The following ESRRB variants were observed in gnomAD, a reference collection of about 807,000 sequenced individuals.
ESRRB encodes estrogen related receptor beta, also known as steroid hormone receptor ERR2.
ESRRB carries 16 observed loss-of-function variants against 46.0 expected under a neutral mutation model. The observed-to-expected ratio is 0.35, with a 90% CI of 0.24 to 0.53. The LOEUF (loss-of-function observed/expected upper bound fraction) is 0.53. Ranked by LOEUF, ESRRB falls within the 20% of genes least tolerant of loss-of-function variation. The pLI, the probability that ESRRB is intolerant of heterozygous loss-of-function variation, is 0.93. For synonymous variants in ESRRB, 246 were observed against 259.6 expected, an observed-to-expected ratio of 0.95 and a Z score of 0.50; for missense variants, 488 against 607.4, an observed-to-expected ratio of 0.80 and a Z score of 2.07.
chr14:76,336,736 C>T (rs1258520274), intron 1 of ESRRB, among the ~76,000 whole-genome samples: 1 of 152,216 alleles, frequency 6.6e-6, no homozygotes. Flanking sequence ...GGGCGATACC[C>T]ACTCTTCACT....
intron 3 of ESRRB, among the ~76,000 whole-genome samples, chr14:76,473,815 G>A (rs1006743207): frequency 1.1e-4 from 17 of 152,226 alleles, no homozygotes; most frequent in African/African-American, 3.1e-4. Context: ...GGCTGTGGAC[G>A]CTGTGACGTG....
At position 76,358,323 on chromosome 14, in the gene ESRRB, A is replaced by AAAAGAAAGAAAGAAAG. The variant is rs869092343; in HGVS notation, c.2+47483_2+47498dup. On this transcript the variant is annotated intron_variant, in intron 1 of 6. Coordinates refer to the ESRRB transcript ENST00000512784. ...CAAGACTCTGTCTCAAAAAAAAAAAAAAAGAAAGAAAGAAAGAAAGAAAGA... is the reference window on the plus strand; with the variant it reads ...CAAGACTCTGTCTCAAAAAAAAAAAAAAAGAAAGAAAGAAAGAAAGAAAGAAAGAAAGAAAGAAAGA... Among the ~76,000 whole-genome samples the AAAAGAAAGAAAGAAAG allele has an allele frequency of 8.3e-4, 44 of 53,092 alleles. 1 individual carries two copies. Among genetic ancestry groups the AAAAGAAAGAAAGAAAG allele is most frequent in the South Asian group, 2.5e-3 (3 of 1,210 alleles). 34.8% of individuals were successfully genotyped at this position (53,092 alleles called of 152,430 possible).
chr14:76,363,658 C>G (rs1884489774), intron 1 of ESRRB, among the ~76,000 whole-genome samples: 1 of 152,156 alleles, frequency 6.6e-6, no homozygotes, highest in South Asian at 2.1e-4. Flanking sequence ...GAGGGCTGGC[C>G]CACACTGGCC....
intron 1 of ESRRB, among the ~76,000 whole-genome samples, chr14:76,403,291 G>A (rs1409882771): frequency 6.6e-6 from 1 of 152,200 alleles, no homozygotes; most frequent in Non-Finnish European, 1.5e-5. Flanking sequence ...ACCTAGTCCT[G>A]TCTGACTCTA....
In ESRRB at chr14:76,499,789, T is replaced by C; in HGVS notation, c.*1331T>C. The C allele has an allele frequency of 7.8e-7, 1 of 1,287,368 alleles. No individual in the cohort carries two copies. The highest frequency in any genetic ancestry group is 1.1e-6 in the Non-Finnish European group (1 of 882,194). 79.7% of individuals were successfully genotyped at this position (1,287,368 alleles called of 1,614,324 possible). ...CAGGCACACGGGGACAGTGGGTCAC[T>C]CTATTTCTGTGGATGGCCGTGAAAG... On this transcript the variant is annotated 3_prime_UTR_variant, in exon 7 of 7. Coordinates refer to ENST00000644823, the MANE Select transcript of ESRRB (RefSeq NM_001379180.1).
At chr14:76,466,802 C>A (rs2140000516) in intron 3 of ESRRB, among the ~76,000 whole-genome samples, 1 of 152,128 alleles carries the variant, frequency 6.6e-6, no homozygotes, top group East Asian at 1.9e-4. Flanking sequence ...AGGCTCACCA[C>A]ACCCTCCACC....
intron 1 of ESRRB, among the ~76,000 whole-genome samples, chr14:76,377,274 G>C (rs1271092616): frequency 1.3e-5 from 2 of 152,232 alleles, no homozygotes; most frequent in African/African-American, 4.8e-5. Context: ...AGCGCAGAGT[G>C]GGAAAGTGAA....
At chr14:76,343,025 G>GGA in intron 1 of ESRRB, among the ~76,000 whole-genome samples, 1 of 152,210 alleles carries the variant, frequency 6.6e-6, no homozygotes, top group Middle Eastern at 3.2e-3. Flanking sequence ...GGATCCAGAA[G>GGA]ATCCCCTAGA....
intron 2 of ESRRB, among the ~76,000 whole-genome samples, chr14:76,451,144 G>T (rs1888365580): frequency 6.6e-6 from 1 of 152,218 alleles, no homozygotes; most frequent in South Asian, 2.1e-4. Context: ...AGAGGAGGGG[G>T]CTCAGTGGTG....
intron 1 of ESRRB, among the ~76,000 whole-genome samples, chr14:76,377,184 G>T (rs1440913676): frequency 5.9e-5 from 9 of 152,218 alleles, no homozygotes; most frequent in Admixed American, 5.2e-4. Context: ...TCCGAGCGGC[G>T]TGGGCGCGGG....
chr14:76,393,225 TTG>T (rs1270376582), intron 1 of ESRRB, among the ~76,000 whole-genome samples: 1 of 152,172 alleles, frequency 6.6e-6, no homozygotes, highest in Non-Finnish European at 1.5e-5. Context: ...TGTAGGCTTG[TTG>T]TGAGGCCATA....
chr14:76,370,186 G>A (rs1595057210), upstream of ESRRB, among the ~76,000 whole-genome samples: 2 of 150,512 alleles, frequency 1.3e-5, no homozygotes, highest in African/African-American at 2.5e-5. Context: ...TCAGGAGTTC[G>A]AGACCAGCCT....
upstream of ESRRB, among the ~76,000 whole-genome samples, chr14:76,374,790 T>A (rs571216775): frequency 2.0e-4 from 30 of 152,160 alleles, no homozygotes; most frequent in Non-Finnish European, 4.1e-4. Flanking sequence ...GTGAGATGCC[T>A]TCCTGAGCCT....
chr14:76,486,499 G>T (rs1166368723), intron 5 of ESRRB, among the ~76,000 whole-genome samples: 1 of 152,092 alleles, frequency 6.6e-6, no homozygotes, highest in African/African-American at 2.4e-5. Context: ...GGCCCTCCAG[G>T]TCGACAGAAA....
rs182165973 is a variant in ESRRB, at chr14:76,347,837, C to A, written c.2+36921C>A. 3.5e-4 allele frequency among the ~76,000 whole-genome samples: 11 copies of A among 31,554 alleles called. 5 individuals are homozygous for A. Among genetic ancestry groups the A allele is most frequent in the Non-Finnish European group, 7.8e-4 (11 of 14,192 alleles). 20.7% of individuals were successfully genotyped at this position (31,554 alleles called of 152,430 possible). A position where few individuals can be genotyped will look rare whatever the true frequency, so the allele number is the denominator to read the frequency against. Reference sequence around the variant, plus strand: ...ACCAACCAGTCAGATCACCAATGGGCAGCAGCCACTTCCTTTCTCCTACCT... The same window carrying A: ...ACCAACCAGTCAGATCACCAATGGGAAGCAGCCACTTCCTTTCTCCTACCT... On this transcript the variant is annotated intron_variant, in intron 1 of 6. Coordinates refer to the ESRRB transcript ENST00000512784.
chr14:76,486,095 T>C (rs1890007293), intron 5 of ESRRB, among the ~76,000 whole-genome samples: 2 of 152,194 alleles, frequency 1.3e-5, no homozygotes, highest in South Asian at 4.1e-4. Flanking sequence ...ATGTTCCAAG[T>C]ATTGGGTTCC....
intron 1 of ESRRB, among the ~76,000 whole-genome samples, chr14:76,423,810 CA>C (rs1887079399): frequency 6.6e-6 from 1 of 152,112 alleles, no homozygotes; most frequent in South Asian, 2.1e-4. Flanking sequence ...ATACGGGGAG[CA>C]AAGACCCTGA....
chr14:76,324,802 G>A (rs1466798514), intron 1 of ESRRB, among the ~76,000 whole-genome samples: 4 of 152,128 alleles, frequency 2.6e-5, no homozygotes, highest in Non-Finnish European at 4.4e-5. Flanking sequence ...TCTAAGGACA[G>A]CAGCTTCCCT....
chr14:76,410,186 T>TG (rs1886374156), intron 1 of ESRRB, among the ~76,000 whole-genome samples: 1 of 152,200 alleles, frequency 6.6e-6, no homozygotes, highest in Admixed American at 6.5e-5. Flanking sequence ...TTCATGCCAC[T>TG]GCACTCCAGC....
Sources: allele counts gnomAD v4.1 joint callset (sites outside exome capture counted in the v4.1 genomes callset), GRCh38; gene constraint gnomAD v4.1.1; transcripts MANE v1.5; gene names NCBI Gene and HGNC (gene_info 2026-07-23, HGNC 2026-07-21).